Variants in STAU2 observed in about 807,000 individuals in gnomAD.
The protein encoded by STAU2 is staufen double-stranded RNA binding protein 2.
Under a neutral mutation model 65.9 loss-of-function variants are expected in STAU2, and 20 were observed. The observed-to-expected ratio is 0.30, with a 90% confidence interval of 0.21 to 0.44. The LOEUF (loss-of-function observed/expected upper bound fraction) is 0.44. Among genes scored for constraint, STAU2 ranks in the 20% least tolerant of loss-of-function variants. The probability of loss-of-function intolerance (pLI) is 1.00; values close to 1 mark genes in which losing one functional copy is unlikely to be tolerated. For synonymous variants in STAU2, 232 were observed against 233.9 expected, an observed-to-expected ratio of 0.99 and a Z score of 0.07; for missense variants, 558 against 683.9, an observed-to-expected ratio of 0.82 and a Z score of 2.05.
At chr8:73,594,285 T>C (rs1382751074) in intron 11 of STAU2, among the ~76,000 whole-genome samples, 1 of 152,182 alleles carries the variant, frequency 6.6e-6, no homozygotes, top group Non-Finnish European at 1.5e-5. Flanking sequence ...TTCAAAAGAA[T>C]TGCCTAGAAA....
intron 13 of STAU2, chr8:73,439,378 A>G: frequency 8.5e-5 from 21 of 246,490 alleles, no homozygotes; most frequent in East Asian, 1.3e-4. Flanking sequence ...GCACTTTGGG[A>G]GGCCGAGGCG....
chr8:73,446,282 A>T (rs1343108221), intron 13 of STAU2, among the ~76,000 whole-genome samples: 1 of 152,168 alleles, frequency 6.6e-6, no homozygotes, highest in Non-Finnish European at 1.5e-5. Flanking sequence ...AGGGCTGGGG[A>T]TGGTGGGGAA....
chr8:73,514,693 T>C (rs1463124747), intron 13 of STAU2, among the ~76,000 whole-genome samples: 1 of 152,242 alleles, frequency 6.6e-6, no homozygotes, highest in Admixed American at 6.5e-5. Flanking sequence ...TATTCATATG[T>C]AGATTTTTAA....
rs550783044 is a variant in STAU2, at chr8:73,444,095, C to T, written c.1531-21393G>A. On this transcript the variant is annotated intron_variant, in intron 13 of 14. Transcript: ENST00000524300. ...AGAGAAAATAAAATGGAAGGTAGTG[C>T]ATAGGAGGATATTATGAATGAAGAG... is the stretch of plus-strand genomic sequence containing the variant. 2.0e-5 allele frequency among the ~76,000 whole-genome samples: 3 copies of T among 152,116 alleles called. No homozygotes were observed. The East Asian group carries it at 5.8e-4, about 29-fold the overall frequency.
At chr8:73,666,281 A>G (rs1297112250) in intron 6 of STAU2, among the ~76,000 whole-genome samples, 2 of 152,246 alleles carry the variant, frequency 1.3e-5, no homozygotes, top group Non-Finnish European at 2.9e-5. Flanking sequence ...ATAAACTGAA[A>G]TGTAATAAAC....
At chr8:73,535,392 A>T (rs1385769512) in intron 13 of STAU2, among the ~76,000 whole-genome samples, 2 of 152,072 alleles carry the variant, frequency 1.3e-5, no homozygotes, top group African/African-American at 4.8e-5. Flanking sequence ...GATGGTCTCG[A>T]TCTCCTGACC....
At chr8:73,717,478 C>A (rs1821331160) in intron 3 of STAU2, among the ~76,000 whole-genome samples, 1 of 152,158 alleles carries the variant, frequency 6.6e-6, no homozygotes, top group African/African-American at 2.4e-5. Context: ...TTTTGTATAT[C>A]AATATCCAAT....
rs564575023 is a variant in STAU2, at chr8:73,707,776, T to C, written c.114+1256A>G. Among the ~76,000 whole-genome samples the C allele has an allele frequency of 3.0e-4, 45 of 151,504 alleles. No homozygotes were observed. The South Asian group carries it at 8.8e-3, about 30-fold the overall frequency. On this transcript the variant is annotated intron_variant, in intron 4 of 14. Coordinates refer to ENST00000524300, the MANE Select transcript of STAU2 (RefSeq NM_001164380.2). The stretch of plus-strand genomic sequence containing the variant: ...TCTAGCACAAAACTAATGACCAACA[T>C]ATATTACTGTACTATAACACAGTAA...
rs550456499 is a variant in STAU2, at chr8:73,502,801, A to T, written c.1530+49211T>A. 7.2e-4 allele frequency among the ~76,000 whole-genome samples: 109 copies of T among 152,108 alleles called. 1 individual carries two copies. The South Asian group carries it at 0.022, about 30-fold the overall frequency. On this transcript the variant is annotated intron_variant, in intron 13 of 14. Transcript: ENST00000524300. ...GATTTTCTTCTAATTATAATGATTA[A>T]TTTTTAGGGACAGCATCCATTTTTT...
intron 4 of STAU2, 97 bp downstream of exon 4, chr8:73,708,935 G>A: frequency 7.3e-6 from 9 of 1,238,662 alleles, no homozygotes; most frequent in African/African-American, 1.5e-5. Flanking sequence ...GCCATCTGCT[G>A]AACCCCCACT....
intron 8 of STAU2, among the ~76,000 whole-genome samples, chr8:73,614,453 T>C (rs1586125380): frequency 6.6e-6 from 1 of 152,168 alleles, no homozygotes; most frequent in South Asian, 2.1e-4. Context: ...CTGTTTTTGA[T>C]AGGGATGTCA....
intron 12 of STAU2, among the ~76,000 whole-genome samples, chr8:73,568,268 C>T (rs546137468): frequency 4.6e-5 from 7 of 152,172 alleles, no homozygotes; most frequent in Non-Finnish European, 8.8e-5. Flanking sequence ...TTGTTTAAAA[C>T]ACACATTACT....
At chr8:73,472,456 T>C (rs965544173) in intron 13 of STAU2, among the ~76,000 whole-genome samples, 1 of 152,148 alleles carries the variant, frequency 6.6e-6, no homozygotes, top group African/African-American at 2.4e-5. Flanking sequence ...AAATACATTA[T>C]TTTTTTCTCC....
In STAU2 at chr8:73,694,433, G is replaced by C. The variant is rs537986856; in HGVS notation, c.115-5620C>G. Reference sequence around the variant, plus strand: ...TTTACCAAGACAGACCATATTCTGGGCCATAAAATAAGTCTCAATAAATAC... The same window carrying C: ...TTTACCAAGACAGACCATATTCTGGCCCATAAAATAAGTCTCAATAAATAC... On this transcript the variant is annotated intron_variant, in intron 4 of 14. Transcript: ENST00000524300. Among the ~76,000 whole-genome samples the C allele has an allele frequency of 3.3e-5, 5 of 152,254 alleles. No individual in the cohort carries two copies. The South Asian group carries it at 1.0e-3, about 32-fold the overall frequency.
intron 13 of STAU2, among the ~76,000 whole-genome samples, chr8:73,460,934 TGTA>T (rs1244131053): frequency 4.6e-5 from 7 of 152,322 alleles, no homozygotes; most frequent in Admixed American, 2.6e-4. Context: ...GAGCCTGAAC[TGTA>T]GCTCTGAGCT....
chr8:73,714,206 AAC>A (rs113753965), intron 3 of STAU2, among the ~76,000 whole-genome samples: 3 of 152,032 alleles, frequency 2.0e-5, no homozygotes, highest in Admixed American at 6.5e-5. Context: ...CCCGGCCTTA[AAC>A]ACAGTTTCTA....
At chr8:73,741,006 GAAAA>G (rs770291962) in intron 1 of STAU2, among the ~76,000 whole-genome samples, 4 of 62,762 alleles carry the variant, frequency 6.4e-5, no homozygotes, top group Admixed American at 6.2e-4. Flanking sequence ...CTTCATCTCA[GAAAA>G]AAAAAAAAAA....
intron 3 of STAU2, among the ~76,000 whole-genome samples, chr8:73,737,122 C>T (rs1806486966): frequency 6.6e-6 from 1 of 151,896 alleles, no homozygotes; most frequent in Non-Finnish European, 1.5e-5. Flanking sequence ...CTGCCTTCGT[C>T]TCCCAAAGTG....
intron 13 of STAU2, among the ~76,000 whole-genome samples, chr8:73,489,718 C>T (rs757517082): frequency 2.6e-5 from 4 of 151,952 alleles, no homozygotes; most frequent in Non-Finnish European, 4.4e-5. Context: ...CAAGATTTGC[C>T]GTTACATAAC....
Sources: gnomAD v4.1 joint callset for allele counts (sites outside exome capture counted in the v4.1 genomes callset) on GRCh38, gnomAD v4.1.1 for gene constraint, MANE v1.5 for transcripts, NCBI Gene and HGNC (gene_info 2026-07-23, HGNC 2026-07-21) for gene names.